Variants in DACH1 observed in about 807,000 individuals in gnomAD.
The protein encoded by DACH1 is dachshund homolog 1.
In DACH1, 12 loss-of-function variants were observed where a neutral mutation model predicts 54.2. The ratio of observed to expected loss-of-function variants is 0.22; its 90% CI spans 0.14 to 0.36. The LOEUF is 0.36. Ranked by LOEUF, DACH1 falls within the 10% of genes least tolerant of loss-of-function variation. The pLI is 1.00. For synonymous variants in DACH1, 386 were observed against 366.2 expected (o/e 1.05, Z -0.62); for missense variants, 805 against 929.8 (o/e 0.87, Z 1.75).
At chr13:71,554,885 A>G (rs1341593244) in intron 6 of DACH1, among the ~76,000 whole-genome samples, 2 of 152,216 alleles carry the variant, frequency 1.3e-5, no homozygotes, top group Admixed American at 1.3e-4. Flanking sequence ...TGACATATGA[A>G]AAAGGAATAG....
chr13:71,443,392 G>A (rs1033917810), intron 10 of DACH1, among the ~76,000 whole-genome samples: 6 of 152,018 alleles, frequency 3.9e-5, no homozygotes, highest in South Asian at 2.1e-4. Context: ...CCAGGAGTTC[G>A]AGACCAGCCT....
At chr13:71,494,606 A>G (rs1047716557) in intron 6 of DACH1, among the ~76,000 whole-genome samples, 5 of 152,112 alleles carry the variant, frequency 3.3e-5, no homozygotes, top group African/African-American at 4.8e-5. Context: ...ATGCCATTGT[A>G]AGTTAAGAAT....
intron 1 of DACH1, among the ~76,000 whole-genome samples, chr13:71,746,833 C>T (rs995131707): frequency 6.6e-6 from 1 of 151,962 alleles, no homozygotes; most frequent in Non-Finnish European, 1.5e-5. Flanking sequence ...AAAGCTATGT[C>T]GACTTAGTGA....
chr13:71,837,833 G>A (rs1888858120), intron 1 of DACH1, among the ~76,000 whole-genome samples: 1 of 150,002 alleles, frequency 6.7e-6, no homozygotes, highest in Non-Finnish European at 1.5e-5. Context: ...CATAAAAAAT[G>A]ATGAGTTCAT....
intron 6 of DACH1, among the ~76,000 whole-genome samples, chr13:71,524,316 A>C (rs1318253819): frequency 6.6e-6 from 1 of 152,158 alleles, no homozygotes; most frequent in Admixed American, 6.6e-5. Context: ...TTTTTTCTAG[A>C]GGAATTTGAG....
chr13:71,495,428 A>G (rs188806135), intron 6 of DACH1, among the ~76,000 whole-genome samples: 2 of 152,208 alleles, frequency 1.3e-5, no homozygotes, highest in Admixed American at 6.5e-5. Flanking sequence ...AGATACATTT[A>G]TAAGTGTTTT....
chr13:71,646,231 G>T (rs1878255435), intron 2 of DACH1, among the ~76,000 whole-genome samples: 1 of 151,826 alleles, frequency 6.6e-6, no homozygotes, highest in Non-Finnish European at 1.5e-5. Context: ...CAGCTACTCG[G>T]GAGGCTGAGG....
intron 6 of DACH1, among the ~76,000 whole-genome samples, chr13:71,491,576 C>T (rs988457007): frequency 2.0e-5 from 3 of 152,010 alleles, no homozygotes; most frequent in Non-Finnish European, 4.4e-5. Context: ...TCAATATGTA[C>T]ATAAGAAATT....
At chr13:71,675,610 A>C (rs931713988) in intron 2 of DACH1, 1 of 612,888 alleles carries the variant, frequency 1.6e-6, no homozygotes. Context: ...TATGATTGCG[A>C]GTGGAAAAAT....
At position 71,704,968 on chromosome 13, in the gene DACH1, A is replaced by T. The variant is rs575020598; in HGVS notation, c.849-23058T>A. Among the ~76,000 whole-genome samples, 3 of 152,342 alleles carry T rather than the reference A, an allele frequency of 2.0e-5. No individual in the cohort carries two copies. In the South Asian group the frequency reaches 6.2e-4, roughly 32 times the overall value. ...GAAGAAATAAAATAATTAAAAAAAT[A>T]AAATACAAAAATAAAATAAATTCGG... On this transcript the variant is annotated intron_variant, in intron 1 of 10. Transcript: ENST00000613252.
rs766978855 is a variant in DACH1 at position 71,866,328 on chromosome 13, TGCTGCTACTGCTGCTGCTGCTGCTGCC to T, written c.415_441del (p.Gly139_Ser147del). The T allele has an allele frequency of 7.8e-6, 12 of 1,534,568 alleles. No individual in the cohort carries two copies. Among genetic ancestry groups the T allele is most frequent in the Non-Finnish European group, 8.8e-6 (10 of 1,138,030 alleles). On this transcript the variant is annotated inframe_deletion, in exon 1 of 11. Coordinates refer to ENST00000613252, the MANE Select transcript of DACH1 (RefSeq NM_080759.6). ...CTGCTACTACTGCTGCTGCTGCTGC[TGCTGCTACTGCTGCTGCTGCTGCTGCC>T]GGTGCTGGCGTTGATGGGGGTGCTG...
In DACH1 at chr13:71,491,070, TATTTG is replaced by T. The variant is rs559652461; in HGVS notation, c.1571-1927_1571-1923del. 2.5e-3 allele frequency among the ~76,000 whole-genome samples: 387 copies of T among 152,308 alleles called. 6 individuals carry two copies. The highest frequency in any genetic ancestry group is 5.1e-4 in the Non-Finnish European group (35 of 68,020). The stretch of plus-strand genomic sequence containing the variant: ...CTATAAGTTTCATCATCCCCATAAT[TATTTG>T]ATTTAACTTCAGTGCATTTATGCTT... On this transcript the variant is annotated intron_variant, in intron 6 of 10. Transcript: ENST00000613252.
intron 1 of DACH1, among the ~76,000 whole-genome samples, chr13:71,764,006 G>A (rs904772949): frequency 6.6e-6 from 1 of 152,060 alleles, no homozygotes. Context: ...TGGGTACCAG[G>A]ATATAAATAT....
chr13:71,737,027 GA>G (rs2137934556), intron 1 of DACH1, among the ~76,000 whole-genome samples: 1 of 152,224 alleles, frequency 6.6e-6, no homozygotes, highest in Admixed American at 6.5e-5. Flanking sequence ...GAGGTGGGCG[GA>G]TGACTAGAGG....
intron 1 of DACH1, among the ~76,000 whole-genome samples, chr13:71,838,316 C>A (rs1888877257): frequency 6.6e-6 from 1 of 151,982 alleles, no homozygotes; most frequent in Non-Finnish European, 1.5e-5. Flanking sequence ...GAAGTTTTAG[C>A]AAAAAGGAGT....
At chr13:71,621,876 A>C (rs1215123338) in intron 3 of DACH1, among the ~76,000 whole-genome samples, 1 of 152,064 alleles carries the variant, frequency 6.6e-6, no homozygotes, top group Non-Finnish European at 1.5e-5. Context: ...TTTAATAACA[A>C]CATTCCTAAT....
intron 4 of DACH1, among the ~76,000 whole-genome samples, chr13:71,566,101 C>G (rs1379326524): frequency 6.6e-6 from 1 of 152,152 alleles, no homozygotes; most frequent in Non-Finnish European, 1.5e-5. Flanking sequence ...GCATCAATCT[C>G]TCCTGCATGG....
intron 1 of DACH1, among the ~76,000 whole-genome samples, chr13:71,845,396 T>C (rs973386818): frequency 6.6e-6 from 1 of 152,100 alleles, no homozygotes; most frequent in African/African-American, 2.4e-5. Flanking sequence ...ACTATAATAC[T>C]TTTTTGCTGT....
intron 1 of DACH1, among the ~76,000 whole-genome samples, chr13:71,773,329 T>C (rs1885936129): frequency 6.6e-6 from 1 of 151,938 alleles, no homozygotes; most frequent in South Asian, 2.1e-4. Flanking sequence ...TAATCTAATC[T>C]GCCTAAACCT....
Sources: allele counts gnomAD v4.1 joint callset (sites outside exome capture counted in the v4.1 genomes callset), GRCh38; gene constraint gnomAD v4.1.1; transcripts MANE v1.5; gene names NCBI Gene and HGNC (gene_info 2026-07-23, HGNC 2026-07-21).